The following CDH8 variants were observed in gnomAD, a reference collection of about 807,000 sequenced individuals.
CDH8 encodes the protein cadherin 8, also known as cadherin-8.
Under a neutral mutation model 68.1 loss-of-function variants are expected in CDH8, and 17 were observed. That is an observed-to-expected ratio of 0.25 (90% CI 0.17 to 0.37). The LOEUF is 0.37. Ranked by LOEUF, CDH8 falls within the 10% of genes least tolerant of loss-of-function variation. The probability of loss-of-function intolerance (pLI) is 1.00; values close to 1 mark genes in which losing one functional copy is unlikely to be tolerated. For synonymous variants in CDH8, 372 were observed against 365.1 expected (o/e 1.02, Z -0.21); for missense variants, 763 against 999.3 (o/e 0.76, Z 3.19).
At chr16:61,796,175 G>T (rs1237620979) in intron 7 of CDH8, among the ~76,000 whole-genome samples, 1 of 151,822 alleles carries the variant, frequency 6.6e-6, no homozygotes, top group Middle Eastern at 3.2e-3. Context: ...AAAGGGAATA[G>T]ATAAGAGAGA....
intron 2 of CDH8, among the ~76,000 whole-genome samples, chr16:61,939,224 C>A (rs1473039938): frequency 2.0e-5 from 3 of 152,126 alleles, no homozygotes; most frequent in Non-Finnish European, 4.4e-5. Context: ...CACAACAATT[C>A]AACTTGTTTC....
Position 61,789,500 on chromosome 16 carries a change from C to G in CDH8, c.1278-18G>C. On this transcript the variant is annotated intron_variant, in intron 7 of 11. Coordinates refer to ENST00000577390, the MANE Select transcript of CDH8 (RefSeq NM_001796.5). ...TGGAAAACCTACAAAACAGACACAT[C>G]TGTAATCTACTTCAATGTTTATATG... The G allele has an allele frequency of 6.2e-7, 1 of 1,610,150 alleles. No individual in the cohort carries two copies.
At chr16:61,688,309 G>C (rs1032367850) in intron 10 of CDH8, among the ~76,000 whole-genome samples, 1 of 151,890 alleles carries the variant, frequency 6.6e-6, no homozygotes, top group Non-Finnish European at 1.5e-5. Context: ...CATAGCCCTT[G>C]GAAACTTTAA....
intron 2 of CDH8, among the ~76,000 whole-genome samples, chr16:61,937,144 GGA>G (rs1964639984): frequency 6.6e-6 from 1 of 152,060 alleles, no homozygotes. Context: ...ACTTTTCTGT[GGA>G]GCAGCACTCA....
At chr16:61,723,143 T>C (rs58789277) in intron 9 of CDH8, among the ~76,000 whole-genome samples, 17,055 of 150,656 alleles carry the variant, frequency 0.11, 1,094 homozygotes, top group South Asian at 0.16. Context: ...CCTAATTCTG[T>C]ATATGGTAAC....
At chr16:61,972,024 C>G (rs1365436231) in intron 2 of CDH8, among the ~76,000 whole-genome samples, 1 of 151,958 alleles carries the variant, frequency 6.6e-6, no homozygotes, top group Non-Finnish European at 1.5e-5. Flanking sequence ...CCAAATCTTA[C>G]CTTGAATTGT....
chr16:61,820,357 C>T (rs1266215752), intron 6 of CDH8, among the ~76,000 whole-genome samples: 1 of 119,728 alleles, frequency 8.4e-6, no homozygotes, highest in African/African-American at 3.3e-5. Flanking sequence ...CATGAATGTA[C>T]AGCCTTCAAT....
chr16:61,903,472 C>T (rs995456586), intron 2 of CDH8, among the ~76,000 whole-genome samples: 2 of 152,112 alleles, frequency 1.3e-5, no homozygotes, highest in African/African-American at 4.8e-5. Flanking sequence ...TACAGGCGCC[C>T]GCCACGGCGC....
intron 2 of CDH8, among the ~76,000 whole-genome samples, chr16:62,015,608 T>C (rs577151420): frequency 6.6e-6 from 1 of 152,312 alleles, no homozygotes; most frequent in South Asian, 2.1e-4. Flanking sequence ...CAAGAGACTT[T>C]AAGCCTAGTT....
chr16:61,819,826 C>T (rs1962169010), intron 6 of CDH8, among the ~76,000 whole-genome samples: 1 of 151,974 alleles, frequency 6.6e-6, no homozygotes, highest in South Asian at 2.1e-4. Flanking sequence ...TAGTGTGGTC[C>T]ACCAACTACC....
chr16:62,034,075 A>G (rs982542727), intron 1 of CDH8, among the ~76,000 whole-genome samples: 2 of 152,062 alleles, frequency 1.3e-5, no homozygotes, highest in African/African-American at 4.8e-5. Flanking sequence ...GATTATGGAG[A>G]ACTCCCTTTA....
chr16:62,003,755 C>T (rs1008987885), intron 2 of CDH8, among the ~76,000 whole-genome samples: 13 of 152,096 alleles, frequency 8.5e-5, no homozygotes, highest in South Asian at 2.1e-4. Context: ...TATTTGCATG[C>T]GACATTTTGA....
intron 2 of CDH8, among the ~76,000 whole-genome samples, chr16:61,960,322 T>TGTGTGTGTATACACACATATATAC (rs1965120861): frequency 5.8e-5 from 5 of 86,626 alleles, no homozygotes; most frequent in South Asian, 7.5e-4. Flanking sequence ...CATATATACG[T>TGTGTGTGTATACACACATATATAC]GTGTGTGTAT....
intron 2 of CDH8, among the ~76,000 whole-genome samples, chr16:61,984,477 A>G (rs1965593750): frequency 6.7e-6 from 1 of 150,128 alleles, no homozygotes; most frequent in South Asian, 2.1e-4. Flanking sequence ...TTTAATAGAG[A>G]CAAGGTCTCA....
intron 2 of CDH8, among the ~76,000 whole-genome samples, chr16:61,930,011 T>C (rs185015757): frequency 6.6e-6 from 1 of 152,318 alleles, no homozygotes; most frequent in Admixed American, 6.5e-5. Context: ...GCAGAGTTTG[T>C]TCTTCTATGA....
intron 1 of CDH8, among the ~76,000 whole-genome samples, chr16:62,034,700 C>T (rs1902410984): frequency 6.6e-6 from 1 of 152,050 alleles, no homozygotes; most frequent in Non-Finnish European, 1.5e-5. Flanking sequence ...AATCATGCCT[C>T]CTAAGGAGGA....
At chr16:61,825,557 C>T (rs1962312691) in intron 4 of CDH8, among the ~76,000 whole-genome samples, 1 of 151,726 alleles carries the variant, frequency 6.6e-6, no homozygotes, top group African/African-American at 2.4e-5. Context: ...CTCAATTCCC[C>T]CACAGGAGGA....
At chr16:61,939,513 T>C (rs1964679094) in intron 2 of CDH8, among the ~76,000 whole-genome samples, 1 of 152,216 alleles carries the variant, frequency 6.6e-6, no homozygotes, top group Admixed American at 6.5e-5. Flanking sequence ...TACTGCGATG[T>C]TTGAAGAACC....
chr16:61,776,539 A>G (rs1246843881), intron 8 of CDH8, among the ~76,000 whole-genome samples: 1 of 152,102 alleles, frequency 6.6e-6, no homozygotes, highest in African/African-American at 2.4e-5. Flanking sequence ...TCCTATTAAT[A>G]TATATAATCA....
Sources: allele counts gnomAD v4.1 joint callset (sites outside exome capture counted in the v4.1 genomes callset), GRCh38; gene constraint gnomAD v4.1.1; transcripts MANE v1.5; gene names NCBI Gene and HGNC (gene_info 2026-07-23, HGNC 2026-07-21).